Variants in CYP2C18 observed in about 807,000 individuals in gnomAD.
CYP2C18 encodes the protein cytochrome P450 2C18.
Under a neutral mutation model 41.3 loss-of-function variants are expected in CYP2C18, and 38 were observed. That is an observed-to-expected ratio of 0.92 (90% CI 0.71 to 1.21). CYP2C18 has a LOEUF of 1.21. Among genes scored for constraint, CYP2C18 ranks in the 50% most tolerant of loss-of-function variants. The pLI is 0.00. For synonymous variants in CYP2C18, 236 were observed against 210.0 expected, an observed-to-expected ratio of 1.12 and a Z score of -1.07; for missense variants, 635 against 591.4, an observed-to-expected ratio of 1.07 and a Z score of -0.77.
chr10:94,722,364 A>T (rs183584891), intron 6 of CYP2C18, among the ~76,000 whole-genome samples: 1 of 152,236 alleles, frequency 6.6e-6, no homozygotes, highest in African/African-American at 2.4e-5. Context: ...TCTGCATAAC[A>T]TATTAGCCAC....
intron 7 of CYP2C18, 102 bp from the exon 8 acceptor site, chr10:94,733,195 T>G (rs2134212337): frequency 8.5e-7 from 1 of 1,170,870 alleles, no homozygotes; most frequent in South Asian, 1.5e-5. Flanking sequence ...GACCTCAATT[T>G]TCTTATCTAT....
intron 5 of CYP2C18, among the ~76,000 whole-genome samples, chr10:94,716,803 T>C (rs1847554651): frequency 6.6e-6 from 1 of 152,174 alleles, no homozygotes; most frequent in South Asian, 2.1e-4. Context: ...CCATTATTGT[T>C]GTGTAGGAGT....
intron 5 of CYP2C18, 56 bp from the exon 6 acceptor site, chr10:94,720,340 G>A: frequency 6.8e-7 from 1 of 1,480,430 alleles, no homozygotes; most frequent in East Asian, 2.5e-5. Context: ...TGGATTTTTT[G>A]TAATTTAATA....
chr10:94,726,716 A>G (rs1261516440), intron 7 of CYP2C18, among the ~76,000 whole-genome samples: 1 of 152,106 alleles, frequency 6.6e-6, no homozygotes, highest in Non-Finnish European at 1.5e-5. Context: ...GAGTTCCCCC[A>G]TGCCTGCAAG....
chr10:94,687,305 G>T (rs1167164266), intron 1 of CYP2C18, among the ~76,000 whole-genome samples: 1 of 152,188 alleles, frequency 6.6e-6, no homozygotes, highest in Non-Finnish European at 1.5e-5. Context: ...CCTGCATCAG[G>T]ATCCCTATGG....
At chr10:94,719,746 T>C (rs1847617631) in intron 5 of CYP2C18, among the ~76,000 whole-genome samples, 1 of 152,062 alleles carries the variant, frequency 6.6e-6, no homozygotes, top group South Asian at 2.1e-4. Context: ...GGCTAATTTT[T>C]GTGTTTTTAG....
intron 4 of CYP2C18, among the ~76,000 whole-genome samples, chr10:94,704,076 C>A (rs1241879158): frequency 6.6e-6 from 1 of 152,088 alleles, no homozygotes; most frequent in African/African-American, 2.4e-5. Flanking sequence ...TCTAACTAGT[C>A]CCAGTGAGAT....
chr10:94,725,189 C>T lies in CYP2C18; in HGVS notation c.1149+656C>T, dbSNP rs7082335. Among the ~76,000 whole-genome samples the T allele has an allele frequency of 8.5e-3, 1,278 of 151,040 alleles. 22 individuals are homozygous for T. Among genetic ancestry groups the T allele is most frequent in the East Asian group, 0.062 (320 of 5,174 alleles). On this transcript the variant is annotated intron_variant, in intron 7 of 8. Coordinates refer to ENST00000285979, the MANE Select transcript of CYP2C18 (RefSeq NM_000772.3). Reference sequence around the variant, plus strand: ...CTTCTGGGCTCAAGCAATCCTCCACCTCTTCCTCCTGAGTAGCTGGGATTA... The same window carrying T: ...CTTCTGGGCTCAAGCAATCCTCCACTTCTTCCTCCTGAGTAGCTGGGATTA...
At chr10:94,714,380 T>C (rs534829624) in intron 5 of CYP2C18, among the ~76,000 whole-genome samples, 2 of 152,350 alleles carry the variant, frequency 1.3e-5, no homozygotes, top group East Asian at 3.9e-4. Flanking sequence ...GGATCCAGTT[T>C]CAGCTTTCTA....
chr10:94,725,033 AATG>A (rs1272484714), intron 7 of CYP2C18, among the ~76,000 whole-genome samples: 1 of 149,428 alleles, frequency 6.7e-6, no homozygotes, highest in Non-Finnish European at 1.5e-5. Flanking sequence ...TTTTTTCTGA[AATG>A]ATATTTCTAT....
chr10:94,733,255 T>C, intron 7 of CYP2C18, 42 bp from the exon 8 acceptor site: 1 of 1,588,054 alleles, frequency 6.3e-7, no homozygotes, highest in Non-Finnish European at 8.6e-7. Context: ...TCCCACTCTT[T>C]GACTTCTTTA....
At chr10:94,690,388 A>G (rs1846974558) in intron 3 of CYP2C18, among the ~76,000 whole-genome samples, 1 of 152,230 alleles carries the variant, frequency 6.6e-6, no homozygotes, top group African/African-American at 2.4e-5. Context: ...AACTACCAAC[A>G]GAGAATACTA....
At chr10:94,691,236 G>A (rs554433962) in intron 3 of CYP2C18, among the ~76,000 whole-genome samples, 198 of 152,172 alleles carry the variant, frequency 1.3e-3, no homozygotes, top group Admixed American at 3.5e-3. Context: ...TCAAATTTTC[G>A]CTGTTTGCAG....
intron 6 of CYP2C18, among the ~76,000 whole-genome samples, chr10:94,723,528 C>T (rs997343467): frequency 5.9e-5 from 9 of 151,842 alleles, no homozygotes; most frequent in Admixed American, 6.6e-5. Flanking sequence ...CACACAAGTC[C>T]AAGAATATAC....
intron 4 of CYP2C18, among the ~76,000 whole-genome samples, chr10:94,696,016 C>G (rs578236455): frequency 6.6e-6 from 1 of 152,276 alleles, no homozygotes; most frequent in South Asian, 2.1e-4. Context: ...CACCGCAGCT[C>G]AAGGAGGCCT....
At chr10:94,724,304 A>G (rs1055039515) in intron 6 of CYP2C18, 42 bp from the exon 7 acceptor site, 1 of 1,603,312 alleles carries the variant, frequency 6.2e-7, no homozygotes, top group Non-Finnish European at 8.5e-7. Context: ...CAAATGTGCC[A>G]TTTTCCTCCT....
chr10:94,706,930 T>C lies in CYP2C18; in HGVS notation c.789T>C (p.Phe263=), dbSNP rs747488406. Reference sequence around the variant, plus strand: ...TGGACATGAACAGTGCTCGGGACTTTATTGATTGTTTCCTGATCAAAATGG... The same window carrying C: ...TGGACATGAACAGTGCTCGGGACTTCATTGATTGTTTCCTGATCAAAATGG... ...ESLDMNSARD[F]IDCFLIKMEQ... is the part of the protein sequence containing the mutation. The change falls in exon 5 of 9, where the codon TTT becomes TTC. Residue 263 remains phenylalanine (F), a synonymous_variant. Coordinates refer to ENST00000285979, the MANE Select transcript of CYP2C18 (RefSeq NM_000772.3). The C allele has an allele frequency of 1.4e-5, 22 of 1,609,066 alleles. 1 individual carries two copies. Among genetic ancestry groups the C allele is most frequent in the Middle Eastern group, 1.7e-4 (1 of 6,060 alleles).
At position 94,733,444 on chromosome 10, in the gene CYP2C18, A is replaced by C; in HGVS notation, c.1291+6A>C. 1 of 1,612,964 alleles carries C rather than the reference A, an allele frequency of 6.2e-7. No individual in the cohort carries two copies. ...CTTCATGCCTTTCTCAGCAGGTAAT[A>C]GATATTCATTTCCATCTGTCCTTCA... On this transcript the variant is annotated splice_donor_region_variant and intron_variant, in intron 8 of 8. Transcript: ENST00000285979.
chr10:94,730,274 C>T (rs1252946576), intron 7 of CYP2C18, among the ~76,000 whole-genome samples: 1 of 152,126 alleles, frequency 6.6e-6, no homozygotes, highest in Non-Finnish European at 1.5e-5. Context: ...ATGTAAGCAA[C>T]TGTCCCCCTA....
Sources: gnomAD v4.1 joint callset for allele counts (sites outside exome capture counted in the v4.1 genomes callset) on GRCh38, gnomAD v4.1.1 for gene constraint, MANE v1.5 for transcripts, NCBI Gene and HGNC (gene_info 2026-07-23, HGNC 2026-07-21) for gene names.